The following NOX4 variants were observed in gnomAD, a reference collection of about 807,000 sequenced individuals.
The protein encoded by NOX4 is kidney oxidase-1.
Under a neutral mutation model 87.6 loss-of-function variants are expected in NOX4, and 69 were observed. The ratio of observed to expected loss-of-function variants is 0.79; its 90% confidence interval spans 0.65 to 0.96. The LOEUF (loss-of-function observed/expected upper bound fraction) is 0.96. Ranked by LOEUF, NOX4 falls within the 40% of genes least tolerant of loss-of-function variation. The pLI is 0.00. For synonymous variants in NOX4, 275 were observed against 238.2 expected (o/e 1.15, Z -1.42); for missense variants, 680 against 681.5 (o/e 1.00, Z 0.02).
intron 8 of NOX4, among the ~76,000 whole-genome samples, chr11:89,415,204 C>T (rs7130284): frequency 0.11 from 17,319 of 151,498 alleles, 1,161 homozygotes; most frequent in South Asian, 0.22. Flanking sequence ...AAGAATAGTC[C>T]CTGTCACATA....
chr11:89,562,718 CCTT>C, the NOX4 span, among the ~76,000 whole-genome samples: 1 of 152,138 alleles, frequency 6.6e-6, no homozygotes, highest in African/African-American at 2.4e-5. Context: ...ATGGGCTCCT[CCTT>C]CTTTCATAAT....
intron 16 of NOX4, 49 bp from the exon 17 acceptor site, chr11:89,335,994 A>C (rs1945697570): frequency 1.7e-6 from 2 of 1,162,142 alleles, no homozygotes; most frequent in South Asian, 3.0e-5. Context: ...TAAGTAAACC[A>C]GTTCTCTAAC....
Position 89,490,523 on chromosome 11 carries a change from A to G in NOX4, c.88T>C (p.Phe30Leu), listed in dbSNP as rs1213466649. The change falls in exon 2 of 18, where the codon TTC (phenylalanine) becomes CTC (leucine). Residue 30 changes from phenylalanine (F) to leucine (L), a missense_variant. Transcript: ENST00000263317. ...TTATACAGCAAGAAGGTTTTCCAGA[A>G]AAGCAGGACATTCATGGAGAGCCAG... ...FIWLSMNVLL[F>L]WKTFLLYNQG... 1.7e-5 allele frequency: 28 copies of G among 1,613,984 alleles called. No individual in the cohort carries two copies. The highest frequency in any genetic ancestry group is 2.3e-5 in the Non-Finnish European group (27 of 1,179,970).
At chr11:89,468,424 A>G (rs1945796254) in intron 2 of NOX4, among the ~76,000 whole-genome samples, 1 of 152,232 alleles carries the variant, frequency 6.6e-6, no homozygotes, top group Admixed American at 6.5e-5. Context: ...ATTCTTGACA[A>G]AAGGTCATTG....
At chr11:89,426,790 CG>C (rs958924512) in intron 7 of NOX4, among the ~76,000 whole-genome samples, 1 of 152,136 alleles carries the variant, frequency 6.6e-6, no homozygotes, top group Non-Finnish European at 1.5e-5. Flanking sequence ...GACTCCACCT[CG>C]GGGGGCAGGG....
chr11:89,532,838 G>C, the NOX4 span, among the ~76,000 whole-genome samples: 8 of 152,078 alleles, frequency 5.3e-5, no homozygotes, highest in Non-Finnish European at 1.2e-4. Flanking sequence ...TCATGATACT[G>C]AGTTCTCATG....
At chr11:89,345,095 A>C (rs1946158604) in intron 13 of NOX4, among the ~76,000 whole-genome samples, 1 of 152,184 alleles carries the variant, frequency 6.6e-6, no homozygotes, top group Non-Finnish European at 1.5e-5. Flanking sequence ...TAAAAAGCCC[A>C]TGATGGTTCT....
chr11:89,587,277 C>T, the NOX4 span, among the ~76,000 whole-genome samples: 1 of 152,066 alleles, frequency 6.6e-6, no homozygotes, highest in Admixed American at 6.6e-5. Flanking sequence ...TCCAAGGAGA[C>T]TATTAAAATG....
intron 2 of NOX4, among the ~76,000 whole-genome samples, chr11:89,459,850 C>A (rs1373884639): frequency 6.6e-6 from 1 of 152,154 alleles, no homozygotes; most frequent in African/African-American, 2.4e-5. Context: ...CCCACAATTC[C>A]AAGTCAATCC....
the NOX4 span, among the ~76,000 whole-genome samples, chr11:89,515,834 T>C: frequency 2.0e-5 from 3 of 152,014 alleles, no homozygotes; most frequent in Non-Finnish European, 4.4e-5. Flanking sequence ...GTTGACCATA[T>C]ACATGTGCGG....
chr11:89,419,574 A>G (rs1473293071), intron 8 of NOX4, among the ~76,000 whole-genome samples: 1 of 151,970 alleles, frequency 6.6e-6, no homozygotes, highest in Admixed American at 6.6e-5. Context: ...CAAAATTAGA[A>G]TAATTGCTTT....
chr11:89,558,821 T>A, the NOX4 span, among the ~76,000 whole-genome samples: 1 of 152,134 alleles, frequency 6.6e-6, no homozygotes, highest in African/African-American at 2.4e-5. Flanking sequence ...TCTCACTGGG[T>A]ATACGCCATA....
chr11:89,382,744 C>T (rs538212671), intron 11 of NOX4, among the ~76,000 whole-genome samples: 30 of 152,230 alleles, frequency 2.0e-4, no homozygotes, highest in African/African-American at 7.0e-4. Flanking sequence ...TGTTCACACC[C>T]AGTCTGGCTT....
chr11:89,455,719 C>CATATATATAT lies in NOX4; in HGVS notation c.154-3834_154-3825dup, dbSNP rs60864771. Among the ~76,000 whole-genome samples, 52 of 141,062 alleles carry CATATATATAT rather than the reference C, an allele frequency of 3.7e-4. 1 individual carries two copies. Among genetic ancestry groups the CATATATATAT allele is most frequent in the African/African-American group, 1.3e-3 (48 of 37,250 alleles). 92.5% of individuals were successfully genotyped at this position (141,062 alleles called of 152,430 possible). On this transcript the variant is annotated intron_variant, in intron 2 of 17. Coordinates refer to ENST00000263317, the MANE Select transcript of NOX4 (RefSeq NM_016931.5). Reference sequence around the variant, plus strand: ...CCCACTGTTATCAAGAAGATGAAGTCATATATATATATATATATATATATA... The same window carrying CATATATATAT: ...CCCACTGTTATCAAGAAGATGAAGTCATATATATATATATATATATATATATATATATATA...
At chr11:89,477,774 C>CA (rs35342247) in intron 2 of NOX4, among the ~76,000 whole-genome samples, 60,645 of 151,772 alleles carry the variant, frequency 0.4, 14,583 homozygotes, top group African/African-American at 0.68. Flanking sequence ...AGCTGCTTGA[C>CA]GAAGGTTTTA....
At chr11:89,511,170 C>T in the NOX4 span, among the ~76,000 whole-genome samples, 3 of 151,902 alleles carry the variant, frequency 2.0e-5, no homozygotes, top group African/African-American at 7.2e-5. Context: ...ATGTTTTGAT[C>T]TATGCATACA....
At chr11:89,530,101 A>G in the NOX4 span, among the ~76,000 whole-genome samples, 1 of 152,050 alleles carries the variant, frequency 6.6e-6, no homozygotes, top group Non-Finnish European at 1.5e-5. Flanking sequence ...CAAATAAAAA[A>G]CAGATCTGCG....
the NOX4 span, among the ~76,000 whole-genome samples, chr11:89,546,958 A>C: frequency 6.6e-6 from 1 of 152,294 alleles, no homozygotes; most frequent in African/African-American, 2.4e-5. Flanking sequence ...GCAGTTTCTA[A>C]GCTCATTTGT....
the NOX4 span, among the ~76,000 whole-genome samples, chr11:89,538,743 T>A: frequency 6.6e-6 from 1 of 152,034 alleles, no homozygotes; most frequent in South Asian, 2.1e-4. Context: ...ATTTCACAAT[T>A]TCCTAGATCA....
Sources: gnomAD v4.1 joint callset for allele counts (sites outside exome capture counted in the v4.1 genomes callset) on GRCh38, gnomAD v4.1.1 for gene constraint, MANE v1.5 for transcripts, NCBI Gene and HGNC (gene_info 2026-07-23, HGNC 2026-07-21) for gene names.